TENM2: variants seen among roughly 807,000 people sequenced by gnomAD.
TENM2 encodes teneurin transmembrane protein 2, also known as teneurin-2.
TENM2 carries 52 observed loss-of-function variants against 245.2 expected under a neutral mutation model. The ratio of observed to expected loss-of-function variants is 0.21; its 90% CI spans 0.17 to 0.27. TENM2 has a LOEUF of 0.27. Among genes scored for constraint, TENM2 ranks in the 10% least tolerant of loss-of-function variants. The probability of loss-of-function intolerance (pLI) is 1.00; values close to 1 mark genes in which losing one functional copy is unlikely to be tolerated. For synonymous variants in TENM2, 1,363 were observed against 1,438.9 expected, an observed-to-expected ratio of 0.95 and a Z score of 1.19; for missense variants, 3,046 against 3,666.8, an observed-to-expected ratio of 0.83 and a Z score of 4.37.
intron 2 of TENM2, among the ~76,000 whole-genome samples, chr5:167,746,823 C>T (rs1001928894): frequency 2.0e-5 from 3 of 151,386 alleles, no homozygotes; most frequent in South Asian, 2.1e-4. Flanking sequence ...TGTGTGTGTG[C>T]GTCTATGTGT....
the TENM2 span, among the ~76,000 whole-genome samples, chr5:167,164,672 T>C: frequency 3.3e-5 from 5 of 152,228 alleles, no homozygotes; most frequent in African/African-American, 1.2e-4. Flanking sequence ...CATGTCATGC[T>C]GATAAAAGTC....
chr5:167,793,740 G>A (rs1032373216), intron 2 of TENM2, among the ~76,000 whole-genome samples: 11 of 152,000 alleles, frequency 7.2e-5, no homozygotes, highest in Admixed American at 2.6e-4. Context: ...GAAGGCTGAG[G>A]CAGGAGGATC....
chr5:167,728,727 C>T (rs1419669035), intron 2 of TENM2: 3 of 152,724 alleles, frequency 2.0e-5, no homozygotes, highest in African/African-American at 7.2e-5. Context: ...TGGTCCTGCA[C>T]CTCCCCCTAC....
intron 2 of TENM2, among the ~76,000 whole-genome samples, chr5:167,559,637 TG>T (rs1773464151): frequency 6.6e-6 from 1 of 152,176 alleles, no homozygotes; most frequent in East Asian, 1.9e-4. Context: ...AATACATGCG[TG>T]GCCCATTGCA....
chr5:168,124,750 G>C (rs956361099), intron 10 of TENM2, 100 bp from the exon 13 acceptor site: 41 of 1,117,474 alleles, frequency 3.7e-5, no homozygotes, highest in Middle Eastern at 2.1e-4. Flanking sequence ...GGGAACTGGT[G>C]ACCCACTGGT....
chr5:167,221,286 T>C, the TENM2 span, among the ~76,000 whole-genome samples: 1 of 152,110 alleles, frequency 6.6e-6, no homozygotes, highest in African/African-American at 2.4e-5. Flanking sequence ...AAGCATGTGG[T>C]GAATAAGCAG....
At chr5:168,246,924 G>A (rs781399423) in exon 27 of TENM2, 31 of 1,613,816 alleles carry the variant, frequency 1.9e-5, no homozygotes, top group South Asian at 8.8e-5. Flanking sequence ...GCAATGCTTC[G>A]GTCATCTTTG....
At chr5:167,714,886 A>G (rs1460250949) in intron 2 of TENM2, among the ~76,000 whole-genome samples, 2 of 152,164 alleles carry the variant, frequency 1.3e-5, no homozygotes. Flanking sequence ...ATAGGTGAGG[A>G]AATGGCTTCC....
At chr5:167,166,463 C>T in the TENM2 span, among the ~76,000 whole-genome samples, 1 of 152,024 alleles carries the variant, frequency 6.6e-6, no homozygotes, top group Admixed American at 6.6e-5. Context: ...TCCTTTCTGG[C>T]TTATAATATT....
intron 2 of TENM2, among the ~76,000 whole-genome samples, chr5:167,607,981 C>T (rs1259433284): frequency 1.3e-5 from 2 of 151,926 alleles, no homozygotes; most frequent in African/African-American, 2.4e-5. Flanking sequence ...TGTTTTAGAG[C>T]GCTTGGCCAA....
intron 12 of TENM2, among the ~76,000 whole-genome samples, chr5:168,148,917 AGATT>A (rs1389321200): frequency 1.1e-4 from 13 of 115,266 alleles, no homozygotes; most frequent in African/African-American, 3.3e-4. Flanking sequence ...ATAGATAGAT[AGATT>A]GATAGATAGC....
intron 2 of TENM2, among the ~76,000 whole-genome samples, chr5:167,465,093 T>G (rs1410500516): frequency 1.3e-5 from 2 of 152,158 alleles, no homozygotes; most frequent in African/African-American, 4.8e-5. Flanking sequence ...TTACTAGAGG[T>G]GTTTAAGTTG....
intron 2 of TENM2, among the ~76,000 whole-genome samples, chr5:167,419,704 A>T (rs1326817033): frequency 6.6e-6 from 1 of 152,190 alleles, no homozygotes; most frequent in African/African-American, 2.4e-5. Flanking sequence ...ACAATTCTGG[A>T]TTTACTCATC....
chr5:167,826,244 A>C (rs1767966034), intron 2 of TENM2, among the ~76,000 whole-genome samples: 2 of 152,230 alleles, frequency 1.3e-5, no homozygotes, highest in African/African-American at 2.4e-5. Flanking sequence ...AGAATATTCA[A>C]CACCTCTCTT....
intron 1 of TENM2, among the ~76,000 whole-genome samples, chr5:167,336,914 G>A (rs1186372715): frequency 2.0e-5 from 3 of 150,304 alleles, no homozygotes; most frequent in Non-Finnish European, 3.0e-5. Flanking sequence ...TCAGGAGATC[G>A]AGACCATCCT....
intron 1 of TENM2, among the ~76,000 whole-genome samples, chr5:167,349,906 A>G (rs1001138865): frequency 1.4e-5 from 2 of 145,762 alleles, no homozygotes; most frequent in African/African-American, 5.6e-5. Flanking sequence ...ATAATTTTAC[A>G]TATTGGTCAG....
At chr5:168,164,269 T>C (rs902595417) in intron 13 of TENM2, among the ~76,000 whole-genome samples, 3 of 152,364 alleles carry the variant, frequency 2.0e-5, no homozygotes, top group East Asian at 3.9e-4. Context: ...TTTTTGGTTT[T>C]AAGAGTTTTT....
At chr5:168,023,990 G>T (rs192758680) in intron 5 of TENM2, among the ~76,000 whole-genome samples, 1 of 152,106 alleles carries the variant, frequency 6.6e-6, no homozygotes, top group Non-Finnish European at 1.5e-5. Context: ...TATAGAGAGA[G>T]ATATTTATAC....
At chr5:167,228,392 C>A in the TENM2 span, among the ~76,000 whole-genome samples, 3 of 151,684 alleles carry the variant, frequency 2.0e-5, no homozygotes, top group African/African-American at 7.3e-5. Flanking sequence ...TTTTGTATTT[C>A]ATTGAATAAG....
Sources: gnomAD v4.1 joint callset for allele counts (sites outside exome capture counted in the v4.1 genomes callset) on GRCh38, gnomAD v4.1.1 for gene constraint, MANE v1.5 for transcripts, NCBI Gene and HGNC (gene_info 2026-07-23, HGNC 2026-07-21) for gene names.